Variants in GLB1 observed in about 807,000 individuals in gnomAD.
GLB1 encodes galactosidase beta 1.
A neutral mutation model predicts 74.0 loss-of-function variants in GLB1; 56 were observed. The observed-to-expected ratio is 0.76, with a 90% CI of 0.61 to 0.94. GLB1 has a LOEUF of 0.94. Among genes scored for constraint, GLB1 ranks in the 40% least tolerant of loss-of-function variants. The probability of loss-of-function intolerance (pLI) is 0.00; values close to 1 mark genes in which losing one functional copy is unlikely to be tolerated. For missense variants in GLB1, 787 were observed against 845.5 expected (o/e 0.93, Z 0.86); for synonymous variants, 323 against 323.6 (o/e 1.00, Z 0.02).
At chr3:33,092,808 G>A in intron 1 of GLB1, 1 of 1,566,510 alleles carries the variant, frequency 6.4e-7, no homozygotes, top group Non-Finnish European at 8.7e-7. Context: ...CAAGGGCAGG[G>A]CAGAGGTGCA....
At chr3:33,064,347 G>A (rs1699575995) in intron 5 of GLB1, among the ~76,000 whole-genome samples, 1 of 151,814 alleles carries the variant, frequency 6.6e-6, no homozygotes, top group Admixed American at 6.6e-5. Context: ...GGCTGACACA[G>A]GAGGGTCGCC....
chr3:33,080,988 G>A (rs540236866), intron 1 of GLB1, among the ~76,000 whole-genome samples: 9 of 152,326 alleles, frequency 5.9e-5, no homozygotes, highest in African/African-American at 1.7e-4. Context: ...CTGTGGGACC[G>A]GGAGGAGGCA....
chr3:33,080,209 T>C (rs1700276213), intron 1 of GLB1, among the ~76,000 whole-genome samples: 1 of 152,022 alleles, frequency 6.6e-6, no homozygotes, highest in Admixed American at 6.6e-5. Context: ...GTTCAAGCAA[T>C]TCTCCTGCCT....
chr3:33,001,219 T>TTCTC (rs1283457165), intron 15 of GLB1, among the ~76,000 whole-genome samples: 1 of 145,688 alleles, frequency 6.9e-6, no homozygotes, highest in Non-Finnish European at 1.5e-5. Flanking sequence ...GTCTTCTCTC[T>TTCTC]TCTCTCTCTC....
chr3:33,014,024 T>C (rs760465678), intron 15 of GLB1, 32 bp downstream of exon 15: 2 of 1,614,052 alleles, frequency 1.2e-6, no homozygotes, highest in Non-Finnish European at 8.5e-7. Flanking sequence ...AGTTTAGGCC[T>C]GAATTCAAAC....
At chr3:32,975,626 A>C in the GLB1 span, among the ~76,000 whole-genome samples, 1 of 152,366 alleles carries the variant, frequency 6.6e-6, no homozygotes, top group East Asian at 1.9e-4. Context: ...TGCGAGAGAA[A>C]GAGCAACAAA....
chr3:33,054,344 T>C (rs1300003555), intron 6 of GLB1, among the ~76,000 whole-genome samples: 2 of 152,188 alleles, frequency 1.3e-5, no homozygotes, highest in Non-Finnish European at 2.9e-5. Context: ...TGGACCCATT[T>C]GAAGATGTGT....
At chr3:33,020,087 C>G (rs1697405450) in intron 12 of GLB1, among the ~76,000 whole-genome samples, 1 of 152,178 alleles carries the variant, frequency 6.6e-6, no homozygotes, top group East Asian at 1.9e-4. Flanking sequence ...GTCTGAAGTG[C>G]TCAACAGCTC....
intron 10 of GLB1, chr3:33,034,831 A>C (rs1575432927): frequency 3.5e-6 from 2 of 578,240 alleles, no homozygotes; most frequent in South Asian, 1.4e-5. Flanking sequence ...AGAGCCTCCC[A>C]CCTGCCAGCT....
chr3:33,001,486 G>GA (rs1312243435), intron 15 of GLB1, among the ~76,000 whole-genome samples: 6 of 152,098 alleles, frequency 3.9e-5, no homozygotes, highest in African/African-American at 1.4e-4. Flanking sequence ...GCAGGGCCAC[G>GA]ACCCTCCTCC....
At chr3:33,041,366 A>C (rs115641592) in intron 10 of GLB1, among the ~76,000 whole-genome samples, 3,484 of 152,302 alleles carry the variant, frequency 0.023, 69 homozygotes, top group Non-Finnish European at 0.039. Context: ...CAGTTTAGAA[A>C]AACTACAATT....
chr3:33,034,393 T>C, intron 10 of GLB1: 1 of 754,636 alleles, frequency 1.3e-6, no homozygotes, highest in Non-Finnish European at 2.5e-6. Context: ...AGAAACCCAA[T>C]TACATCAAGA....
intron 10 of GLB1, among the ~76,000 whole-genome samples, chr3:33,042,881 C>T (rs1477211085): frequency 6.6e-6 from 1 of 152,208 alleles, no homozygotes; most frequent in African/African-American, 2.4e-5. Flanking sequence ...CACCAAGCAC[C>T]TAAAACTGCA....
rs752882820 is a variant in GLB1, at chr3:33,068,847, C to A, written c.369G>T (p.Gly123=). 3 of 1,614,140 alleles carry A rather than the reference C, an allele frequency of 1.9e-6. No individual in the cohort carries two copies. Among genetic ancestry groups the A allele is most frequent in the Non-Finnish European group, 1.7e-6 (2 of 1,180,032 alleles). ...TTTCCCACTCTGCACAGATGTAGGGCCCGGGCCTCAGGATAACCAGCAGTC... is the reference window on the plus strand; with the variant it reads ...TTTCCCACTCTGCACAGATGTAGGGACCGGGCCTCAGGATAACCAGCAGTC... ...ELGLLVILRP[G]PYICAEWEMG... is the part of the protein sequence containing the mutation. The change falls in exon 3 of 16, where the codon GGG becomes GGT. Residue 123 remains glycine (G), a synonymous_variant. Transcript: ENST00000307363.
At position 33,052,250 on chromosome 3, in the gene GLB1, T is replaced by C. The variant is rs72856114; in HGVS notation, c.793-246A>G. On this transcript the variant is annotated intron_variant, in intron 7 of 15. Transcript: ENST00000307363. Reference sequence around the variant, plus strand: ...AAGTATTCCTGAAAAGTGGTGCCTATATTAAAATTTAGATAGCTGATCCCC... The same window carrying C: ...AAGTATTCCTGAAAAGTGGTGCCTACATTAAAATTTAGATAGCTGATCCCC... 0.028 allele frequency among the ~76,000 whole-genome samples: 4,303 copies of C among 152,294 alleles called. 532 individuals are homozygous for C. The East Asian group carries it at 0.41, about 14-fold the overall frequency.
intron 12 of GLB1, 132 bp downstream of exon 12, chr3:33,021,432 GGT>G (rs1345614313): frequency 1.5e-4 from 143 of 955,134 alleles, no homozygotes; most frequent in Non-Finnish European, 2.1e-4. Flanking sequence ...GGAAATTCAT[GGT>G]TCATTTACCT....
chr3:32,973,120 G>T, the GLB1 span, among the ~76,000 whole-genome samples: 1 of 152,134 alleles, frequency 6.6e-6, no homozygotes, highest in Non-Finnish European at 1.5e-5. Context: ...TTAACTCTTT[G>T]TTCGGGGCTT....
In GLB1 at chr3:33,076,636, T is replaced by C. The variant is rs1390728566; in HGVS notation, c.76-3923A>G. Among the ~76,000 whole-genome samples, 5 of 151,984 alleles carry C rather than the reference T, an allele frequency of 3.3e-5. No individual in the cohort carries two copies. The South Asian group carries it at 6.2e-4, about 19-fold the overall frequency. Reference sequence around the variant, plus strand: ...GGCTCCCACTGTTCTTGGGGAGAAATCTGAGTGTCAAAATGAGAGACAGAG... The same window carrying C: ...GGCTCCCACTGTTCTTGGGGAGAAACCTGAGTGTCAAAATGAGAGACAGAG... On this transcript the variant is annotated intron_variant, in intron 1 of 15. Transcript: ENST00000307363.
At chr3:33,090,877 C>T in intron 1 of GLB1, 1 of 985,020 alleles carries the variant, frequency 1.0e-6, no homozygotes, top group Non-Finnish European at 1.2e-6. Context: ...TACATAAGAC[C>T]ACACAATGAT....
Sources: gnomAD v4.1 joint callset for allele counts (sites outside exome capture counted in the v4.1 genomes callset) on GRCh38, gnomAD v4.1.1 for gene constraint, MANE v1.5 for transcripts, NCBI Gene and HGNC (gene_info 2026-07-23, HGNC 2026-07-21) for gene names.